Variants in KIAA0513 observed in about 807,000 individuals in gnomAD.
The protein encoded by KIAA0513 is KIAA0513.
A neutral mutation model predicts 56.5 loss-of-function variants in KIAA0513; 39 were observed. The ratio of observed to expected loss-of-function variants is 0.69; its 90% CI spans 0.53 to 0.90. The LOEUF is 0.90. Ranked by LOEUF, KIAA0513 falls within the 40% of genes least tolerant of loss-of-function variation. The probability of loss-of-function intolerance (pLI) is 0.00; values close to 1 mark genes in which losing one functional copy is unlikely to be tolerated. For synonymous variants in KIAA0513, 268 were observed against 215.6 expected, an observed-to-expected ratio of 1.24 and a Z score of -2.13; for missense variants, 591 against 535.2, an observed-to-expected ratio of 1.10 and a Z score of -1.03.
At chr16:85,067,458 G>C (rs567196614) in intron 2 of KIAA0513, 58 bp downstream of exon 2, 49 of 1,363,470 alleles carry the variant, frequency 3.6e-5, no homozygotes, top group South Asian at 3.2e-4. Context: ...AAGGGGACTC[G>C]CCTCCTGCTC....
chr16:85,086,479 T>TGTGGAAGGCCCAGCACACGGCTCTCCG (rs1414953867), intron 10 of KIAA0513, among the ~76,000 whole-genome samples, 165 bp from the exon 11 acceptor site: 4 of 152,166 alleles, frequency 2.6e-5, no homozygotes, highest in African/African-American at 9.7e-5. Flanking sequence ...CGGCAGGCCT[T>TGTGGAAGGCCCAGCACACGGCTCTCCG]GTGGAAGGCC....
chr16:85,076,645 C>T lies in KIAA0513; in HGVS notation c.574+731C>T, dbSNP rs2144062393. Among the ~76,000 whole-genome samples the T allele has an allele frequency of 6.6e-6, 1 of 152,260 alleles. No individual in the cohort carries two copies. The highest frequency in any genetic ancestry group is 1.9e-4 in the East Asian group (1 of 5,172). On this transcript the variant is annotated intron_variant, in intron 5 of 12. Coordinates refer to ENST00000683363, the MANE Select transcript of KIAA0513 (RefSeq NM_001388359.1). This position sits in a 1 kb window ranked among gnomAD's most constrained non-coding sequence, Gnocchi z 4.7. Reference sequence around the variant, plus strand: ...GGGGTGTATGTATCCCCTCCCCCTCCCACAGCCATCCTCTCCGCACCCCTC... The same window carrying T: ...GGGGTGTATGTATCCCCTCCCCCTCTCACAGCCATCCTCTCCGCACCCCTC...
chr16:85,077,203 T>C (rs1419890053), intron 5 of KIAA0513, among the ~76,000 whole-genome samples: 1 of 152,106 alleles, frequency 6.6e-6, no homozygotes, highest in Non-Finnish European at 1.5e-5. Context: ...CCTAGTGGCT[T>C]CTCAGTGCAC....
intron 1 of KIAA0513, among the ~76,000 whole-genome samples, chr16:85,038,863 G>T (rs1210378000): frequency 6.6e-6 from 1 of 152,150 alleles, no homozygotes; most frequent in African/African-American, 2.4e-5. Context: ...GAAGTCTGAT[G>T]TGGTCAGCAG....
chr16:85,033,550 T>C (rs1232298479), intron 1 of KIAA0513, among the ~76,000 whole-genome samples: 3 of 152,134 alleles, frequency 2.0e-5, no homozygotes, highest in African/African-American at 7.2e-5. Flanking sequence ...CCGTGTGTAA[T>C]TTGGAAGGGC....
intron 1 of KIAA0513, among the ~76,000 whole-genome samples, chr16:85,029,291 A>C (rs2072930812): frequency 6.6e-6 from 1 of 152,182 alleles, no homozygotes; most frequent in Non-Finnish European, 1.5e-5. Flanking sequence ...GATCATCACT[A>C]ACCTCTCTGT....
chr16:85,088,658 G>A lies in KIAA0513; in HGVS notation c.*333G>A, dbSNP rs374400944. 4 of 292,730 alleles carry A rather than the reference G, an allele frequency of 1.4e-5. No individual in the cohort carries two copies. The highest frequency in any genetic ancestry group is 1.4e-4 in the South Asian group (2 of 14,184). 18.1% of individuals were successfully genotyped at this position (292,730 alleles called of 1,614,324 possible). A position where few individuals can be genotyped will look rare whatever the true frequency, so the allele number is the denominator to read the frequency against. On this transcript the variant is annotated 3_prime_UTR_variant, in exon 13 of 13. Transcript: ENST00000683363. ...GGGCCATCGTGGGCCAAGGGCTGGCGAGGGTGGGGGCGGGCAAGGGATGCA... is the reference window on the plus strand; with the variant it reads ...GGGCCATCGTGGGCCAAGGGCTGGCAAGGGTGGGGGCGGGCAAGGGATGCA...
intron 1 of KIAA0513, among the ~76,000 whole-genome samples, chr16:85,046,460 C>A (rs2143893827): frequency 6.6e-6 from 1 of 152,356 alleles, no homozygotes; most frequent in South Asian, 2.1e-4. Flanking sequence ...AGCGTCAGCC[C>A]AGCGGAGGCC....
Position 85,078,408 on chromosome 16 carries a change from C to T in KIAA0513, c.783-7C>T. 6.2e-7 allele frequency: 1 copy of T among 1,613,964 alleles called. No homozygotes were observed. The highest frequency in any genetic ancestry group is 8.5e-7 in the Non-Finnish European group (1 of 1,179,962). Reference sequence around the variant, plus strand: ...CGTGTGTCATCATTGTGCCTTCTCTCCCTCAGGGAAGACGAGAACAAACCC... The same window carrying T: ...CGTGTGTCATCATTGTGCCTTCTCTTCCTCAGGGAAGACGAGAACAAACCC... On this transcript the variant is annotated splice_polypyrimidine_tract_variant and splice_region_variant and intron_variant, in intron 6 of 12. Transcript: ENST00000683363.
chr16:85,035,486 TTTTG>T (rs1178320116), intron 1 of KIAA0513, among the ~76,000 whole-genome samples: 10 of 152,106 alleles, frequency 6.6e-5, no homozygotes, highest in South Asian at 2.1e-4. Context: ...TTGTTTTGTT[TTTTG>T]TTTGTTTGTT....
At chr16:85,040,489 C>A (rs1367738293) in intron 1 of KIAA0513, among the ~76,000 whole-genome samples, 1 of 152,074 alleles carries the variant, frequency 6.6e-6, no homozygotes, top group African/African-American at 2.4e-5. Flanking sequence ...GAGATCGCAC[C>A]ACAGCACTCC....
chr16:85,078,027 C>A (rs1421647601), intron 6 of KIAA0513, among the ~76,000 whole-genome samples: 1 of 152,146 alleles, frequency 6.6e-6, no homozygotes. Flanking sequence ...GACAGACACT[C>A]GAGGAATGCT....
rs1428853265 is a variant in KIAA0513 at position 85,091,568 on chromosome 16, C to T, written c.*3243C>T. 4 of 152,172 alleles carry T rather than the reference C, an allele frequency of 2.6e-5. No homozygotes were observed. Among genetic ancestry groups the T allele is most frequent in the South Asian group, 2.1e-4 (1 of 4,828 alleles). 9.4% of individuals were successfully genotyped at this position (152,172 alleles called of 1,614,324 possible). A position where few individuals can be genotyped will look rare whatever the true frequency, so the allele number is the denominator to read the frequency against. On this transcript the variant is annotated 3_prime_UTR_variant, in exon 13 of 13. Transcript: ENST00000683363. Reference sequence around the variant, plus strand: ...GATGTTCAGGTTAATCCAAGCAACACGCATTGGGTTTAAAACCAGCACCGA... The same window carrying T: ...GATGTTCAGGTTAATCCAAGCAACATGCATTGGGTTTAAAACCAGCACCGA...
chr16:85,082,490 C>T, intron 9 of KIAA0513, 74 bp from the exon 10 acceptor site: 2 of 1,467,666 alleles, frequency 1.4e-6, no homozygotes, highest in Non-Finnish European at 1.9e-6. Flanking sequence ...TCTGCTTGTT[C>T]TCTTTTTACC....
chr16:85,062,960 C>T (rs1398553821), intron 1 of KIAA0513, among the ~76,000 whole-genome samples: 1 of 152,180 alleles, frequency 6.6e-6, no homozygotes, highest in African/African-American at 2.4e-5. Flanking sequence ...TACACACAGT[C>T]ACTGCTGTGA....
chr16:85,066,981 C>T lies in KIAA0513; in HGVS notation c.-91C>T. On this transcript the variant is annotated 5_prime_UTR_variant, in exon 2 of 13. Coordinates refer to ENST00000683363, the MANE Select transcript of KIAA0513 (RefSeq NM_001388359.1). ...ACTGGCAACTTGTGAGCTTGGTGGG[C>T]TCCTACTAACGCACCTGGGACACCA... 1 of 1,151,952 alleles carries T rather than the reference C, an allele frequency of 8.7e-7. No individual in the cohort carries two copies. The highest frequency in any genetic ancestry group is 1.2e-6 in the Non-Finnish European group (1 of 825,412). The allele number at this position is 1,151,952 out of a possible 1,614,324, so 71.4% of individuals were successfully genotyped here.
Position 85,067,358 on chromosome 16 carries a change from G to A in KIAA0513, c.287G>A (p.Arg96Lys). 1 of 1,608,856 alleles carries A rather than the reference G, an allele frequency of 6.2e-7. No homozygotes were observed. Among genetic ancestry groups the A allele is most frequent in the Middle Eastern group, 1.7e-4 (1 of 6,060 alleles). ...CAGGATGAAGAGACCCTGGCACTCA[G>A]GGACTTCATGCGTGGCTACGTGGAG... ...STQDEETLALRDFMRGYVEKI... is the reference protein window; with the variant it reads ...STQDEETLALKDFMRGYVEKI... The change falls in exon 2 of 13, where the codon AGG becomes AAG. Residue 96 changes from arginine (R) to lysine (K), a missense_variant. Physicochemically the swap from Arg to Lys is conservative, Grantham distance 26. Transcript: ENST00000683363.
rs11866299 is a variant in KIAA0513, at chr16:85,028,797, G to A, written c.-173+939G>A. 3.2e-3 allele frequency among the ~76,000 whole-genome samples: 480 copies of A among 152,310 alleles called. 2 individuals are homozygous for A. The highest frequency in any genetic ancestry group is 0.011 in the African/African-American group (470 of 41,548). On this transcript the variant is annotated intron_variant, in intron 1 of 12. Coordinates refer to ENST00000683363, the MANE Select transcript of KIAA0513 (RefSeq NM_001388359.1). ...TCCAGATTGAGCAGGAACAGCCTCT[G>A]AGCTGGCACAGGTGAGGCGCCCCTG...
chr16:85,057,484 G>A (rs561228714), intron 1 of KIAA0513, among the ~76,000 whole-genome samples: 1 of 152,326 alleles, frequency 6.6e-6, no homozygotes, highest in Admixed American at 6.5e-5. Context: ...GAGCAGTTCA[G>A]ATGCAGCCCC....
Sources: allele counts gnomAD v4.1 joint callset (sites outside exome capture counted in the v4.1 genomes callset), GRCh38; gene constraint gnomAD v4.1.1; non-coding constraint Gnocchi (gnomAD v3.1); transcripts MANE v1.5; gene names NCBI Gene and HGNC (gene_info 2026-07-23, HGNC 2026-07-21).